The following HERC1 variants were observed in gnomAD, a reference collection of about 807,000 sequenced individuals.
The protein encoded by HERC1 is probable E3 ubiquitin-protein ligase HERC1.
HERC1 carries 160 observed loss-of-function variants against 554.3 expected under a neutral mutation model. That is an observed-to-expected ratio of 0.29 (90% confidence interval 0.25 to 0.33). The LOEUF (loss-of-function observed/expected upper bound fraction) is 0.33. Ranked by LOEUF, HERC1 falls within the 10% of genes least tolerant of loss-of-function variation. HERC1 has a pLI of 1.00. For missense variants in HERC1, 4,919 were observed against 5,918.5 expected (o/e 0.83, Z 5.54); for synonymous variants, 2,175 against 2,131.7 (o/e 1.02, Z -0.56).
intron 25 of HERC1, among the ~76,000 whole-genome samples, chr15:63,703,831 C>T (rs2072858506): frequency 6.6e-6 from 1 of 151,818 alleles, no homozygotes; most frequent in Admixed American, 6.6e-5. Flanking sequence ...GTCACTTGAG[C>T]CTGGGGAGGT....
intron 40 of HERC1, 67 bp from the exon 41 acceptor site, chr15:63,666,539 A>G (rs1293979439): frequency 5.0e-6 from 5 of 993,500 alleles, no homozygotes; most frequent in Non-Finnish European, 7.7e-6. Context: ...AAGTGTCTTC[A>G]TAGTCCTCAA....
chr15:63,666,086 A>T lies in HERC1; in HGVS notation c.8388T>A (p.Pro2796=). Reference sequence around the variant, plus strand: ...GGGGCTCCTCTTCATCCTCATGCCCAGGGTGCTCTATCATCCACATGGCAA... The same window carrying T: ...GGGGCTCCTCTTCATCCTCATGCCCTGGGTGCTCTATCATCCACATGGCAA... ...TVLAMWMIEH[P]GHEDEEEPQS... is the part of the protein sequence containing the mutation. Residue 2796 remains proline, a synonymous_variant, in exon 42 of 78, where the codon CCT becomes CCA. Transcript: ENST00000443617. The T allele has an allele frequency of 6.2e-7, 1 of 1,614,022 alleles. No individual in the cohort carries two copies. Among genetic ancestry groups the T allele is most frequent in the Non-Finnish European group, 8.5e-7 (1 of 1,179,886 alleles).
At chr15:63,832,969 G>T (rs972847918) in intron 1 of HERC1, among the ~76,000 whole-genome samples, 8 of 152,142 alleles carry the variant, frequency 5.3e-5, no homozygotes, top group African/African-American at 1.7e-4. Context: ...AAGTATTATA[G>T]ACATTTCTTA....
At chr15:63,712,466 C>T (rs1422402192) in intron 24 of HERC1, among the ~76,000 whole-genome samples, 1 of 152,108 alleles carries the variant, frequency 6.6e-6, no homozygotes, top group Non-Finnish European at 1.5e-5. Context: ...AAAAGAGAAA[C>T]AGGTTTGGAG....
chr15:63,806,543 T>C (rs907110195), intron 1 of HERC1, among the ~76,000 whole-genome samples: 2 of 152,194 alleles, frequency 1.3e-5, no homozygotes, highest in Non-Finnish European at 2.9e-5. Context: ...ACCAGACTCA[T>C]GCTTTGCAAG....
At chr15:63,719,581 G>A (rs2073722187) in intron 19 of HERC1, among the ~76,000 whole-genome samples, 1 of 152,250 alleles carries the variant, frequency 6.6e-6, no homozygotes, top group Non-Finnish European at 1.5e-5. Flanking sequence ...CTGCTGAGTG[G>A]AGAACTGACT....
intron 68 of HERC1, 27 bp from the exon 69 acceptor site, chr15:63,630,662 G>A (rs2068508433): frequency 1.2e-6 from 2 of 1,600,988 alleles, no homozygotes; most frequent in Middle Eastern, 1.7e-4. Context: ...AAAAACATGT[G>A]GAAATGTTAT....
chr15:63,747,310 A>C (rs1298718498), intron 11 of HERC1, among the ~76,000 whole-genome samples: 2 of 152,146 alleles, frequency 1.3e-5, no homozygotes, highest in Admixed American at 1.3e-4. Flanking sequence ...AAATACAAAA[A>C]TTAGCTGGGC....
At chr15:63,799,945 C>T (rs1354944839) in intron 1 of HERC1, among the ~76,000 whole-genome samples, 1 of 152,048 alleles carries the variant, frequency 6.6e-6, no homozygotes, top group Non-Finnish European at 1.5e-5. Context: ...GCCTGCGCAA[C>T]AGTGTGAGAC....
rs749574480 is a variant in HERC1 at position 63,677,815 on chromosome 15, T to C, written c.7070+30A>G. ...GCCTATTTCACCATTAAATATTTGT[T>C]TGCTAAAAGTGTAACTCAACAGATC... is the stretch of plus-strand genomic sequence containing the variant. On this transcript the variant is annotated intron_variant, in intron 37 of 77. Transcript: ENST00000443617. This position sits in a 1 kb window ranked among gnomAD's most constrained non-coding sequence, Gnocchi z 4.4. The C allele has an allele frequency of 1.9e-6, 3 of 1,583,146 alleles. No individual in the cohort carries two copies. Among genetic ancestry groups the C allele is most frequent in the East Asian group, 4.5e-5 (2 of 44,468 alleles).
intron 1 of HERC1, among the ~76,000 whole-genome samples, chr15:63,788,297 C>A (rs367856368): frequency 3.0e-4 from 46 of 152,156 alleles, no homozygotes; most frequent in African/African-American, 1.0e-3. Context: ...TTCAAAAAAA[C>A]CAATTTAACA....
intron 54 of HERC1, among the ~76,000 whole-genome samples, chr15:63,649,075 C>T (rs1240804673): frequency 1.3e-5 from 2 of 152,202 alleles, no homozygotes; most frequent in Non-Finnish European, 2.9e-5. Flanking sequence ...TTCATCTCGG[C>T]CAGGCACGGT....
At chr15:63,716,507 A>G in intron 21 of HERC1, 34 bp from the exon 22 acceptor site, 1 of 1,504,436 alleles carries the variant, frequency 6.6e-7, no homozygotes, top group East Asian at 2.4e-5. Flanking sequence ...CACTAAATAC[A>G]TTTTTTCCAA....
At chr15:63,706,718 T>C in intron 25 of HERC1, 62 bp downstream of exon 25, 1 of 483,780 alleles carries the variant, frequency 2.1e-6, no homozygotes, top group Non-Finnish European at 3.1e-6. Context: ...CTATGCTCTT[T>C]TTTTTTTTTT....
Position 63,678,000 on chromosome 15 carries a change from G to C in HERC1, c.6915C>G (p.Pro2305=). The change falls in exon 37 of 78, where the codon CCC becomes CCG. Residue 2305 remains proline, a synonymous_variant. Transcript: ENST00000443617. This position sits in a 1 kb window ranked among gnomAD's most constrained non-coding sequence, Gnocchi z 4.4. ...CAACTCCTCCTATCACAGCCAGCAC[G>C]GGCCACACCTCTATGCAAAGAGTCC... is the stretch of plus-strand genomic sequence containing the variant. ...QLRTLCIEVW[P]VLAVIGGVDA... 3 of 1,613,886 alleles carry C rather than the reference G, an allele frequency of 1.9e-6. No homozygotes were observed. Among genetic ancestry groups the C allele is most frequent in the Non-Finnish European group, 2.5e-6 (3 of 1,179,856 alleles).
intron 1 of HERC1, among the ~76,000 whole-genome samples, chr15:63,781,123 C>T (rs992172402): frequency 6.6e-6 from 1 of 152,040 alleles, no homozygotes; most frequent in African/African-American, 2.4e-5. Context: ...AGTATAATCA[C>T]TAATAAAACT....
chr15:63,739,195 CT>C (rs1205943240), intron 12 of HERC1, among the ~76,000 whole-genome samples: 34 of 102,246 alleles, frequency 3.3e-4, no homozygotes, highest in East Asian at 2.3e-3. Context: ...CACTAATATA[CT>C]TTTTTTTTTT....
chr15:63,661,019 C>T lies in HERC1; in HGVS notation c.9177G>A (p.Lys3059=), dbSNP rs1039271954. The change falls in exon 46 of 78, where the codon AAG becomes AAA. Residue 3059 remains lysine, a synonymous_variant. Coordinates refer to ENST00000443617, the MANE Select transcript of HERC1 (RefSeq NM_003922.4). ...TGCCAATTAGATCTGGAGCTTGTCC[C>T]TTGTACCTGCACCAAACATGAAGAA... The part of the protein sequence containing the change: ...KSKSTSSERY[K]GQAPDLIGKQ... 1.2e-6 allele frequency: 2 copies of T among 1,611,594 alleles called. No individual in the cohort carries two copies. Among genetic ancestry groups the T allele is most frequent in the Non-Finnish European group, 1.7e-6 (2 of 1,177,818 alleles).
chr15:63,611,939 CTT>C, intron 77 of HERC1, among the ~76,000 whole-genome samples: 1 of 152,326 alleles, frequency 6.6e-6, no homozygotes, highest in South Asian at 2.1e-4. Flanking sequence ...AATCCCAGCA[CTT>C]TGGGAGGCCA....
Sources: gnomAD v4.1 joint callset for allele counts (sites outside exome capture counted in the v4.1 genomes callset) on GRCh38, gnomAD v4.1.1 for gene constraint, Gnocchi (gnomAD v3.1) non-coding constraint, MANE v1.5 for transcripts, NCBI Gene and HGNC (gene_info 2026-07-23, HGNC 2026-07-21) for gene names.